The following SPG11 variants were observed in gnomAD, a reference collection of about 807,000 sequenced individuals.
SPG11 encodes spatacsin.
A neutral mutation model predicts 274.0 loss-of-function variants in SPG11; 222 were observed. The observed-to-expected ratio is 0.81, with a 90% CI of 0.73 to 0.91. SPG11 has a LOEUF of 0.91. Among genes scored for constraint, SPG11 ranks in the 40% least tolerant of loss-of-function variants. The probability of loss-of-function intolerance (pLI) is 0.00; values close to 1 mark genes in which losing one functional copy is unlikely to be tolerated. For missense variants in SPG11, 3,114 were observed against 2,872.7 expected, an observed-to-expected ratio of 1.08 and a Z score of -1.92; for synonymous variants, 1,144 against 1,039.7, an observed-to-expected ratio of 1.10 and a Z score of -1.93.
intron 10 of SPG11, among the ~76,000 whole-genome samples, chr15:44,627,127 G>A (rs887721759): frequency 1.3e-5 from 2 of 152,138 alleles, no homozygotes; most frequent in African/African-American, 4.8e-5. Context: ...GACCGTAAAA[G>A]CAAGATGTGA....
chr15:44,599,243 G>A (rs911941672), intron 21 of SPG11, among the ~76,000 whole-genome samples: 1 of 151,972 alleles, frequency 6.6e-6, no homozygotes, highest in African/African-American at 2.4e-5. Flanking sequence ...AACTCATATA[G>A]GCCTTTTATA....
rs926961813 is a variant in SPG11, at chr15:44,651,252, A to G, written c.1456+239T>C. Among the ~76,000 whole-genome samples, 6 of 152,192 alleles carry G rather than the reference A, an allele frequency of 3.9e-5. No homozygotes were observed. The East Asian group carries it at 1.2e-3, about 29-fold the overall frequency. On this transcript the variant is annotated intron_variant, in intron 6 of 39. Transcript: ENST00000261866. Reference sequence around the variant, plus strand: ...ACTCTTTGGGTTAAAAATAATAATAATAATAAACTTCATTTCTCTCAAACT... The same window carrying G: ...ACTCTTTGGGTTAAAAATAATAATAGTAATAAACTTCATTTCTCTCAAACT...
At position 44,589,971 on chromosome 15, in the gene SPG11, T is replaced by C. The variant is rs541514340; in HGVS notation, c.4744-557A>G. Among the ~76,000 whole-genome samples, 116 of 152,212 alleles carry C rather than the reference T, an allele frequency of 7.6e-4. 1 individual carries two copies. Among genetic ancestry groups the C allele is most frequent in the African/African-American group, 2.7e-3 (111 of 41,532 alleles). ...ACAGGCACACGCCACCACGCCTGGC[T>C]AATTTTTTTGTATTTTTAATAGAGA... is the stretch of plus-strand genomic sequence containing the variant. On this transcript the variant is annotated intron_variant, in intron 27 of 39. Transcript: ENST00000261866.
At chr15:44,607,370 C>T (rs1413006446) in intron 19 of SPG11, among the ~76,000 whole-genome samples, 3 of 152,176 alleles carry the variant, frequency 2.0e-5, no homozygotes, top group African/African-American at 7.2e-5. Context: ...CAACTTTCGC[C>T]TCCCAGGTTC....
chr15:44,580,538 G>A (rs938640270), intron 30 of SPG11, among the ~76,000 whole-genome samples: 11 of 152,254 alleles, frequency 7.2e-5, no homozygotes, highest in African/African-American at 2.4e-4. Flanking sequence ...CAGCACTTTG[G>A]GAGGCCGACG....
intron 6 of SPG11, among the ~76,000 whole-genome samples, chr15:44,649,776 T>G (rs2084710473): frequency 6.6e-6 from 1 of 151,386 alleles, no homozygotes; most frequent in Non-Finnish European, 1.5e-5. Context: ...GCACCTGTAA[T>G]CCCAGCTACT....
intron 7 of SPG11, among the ~76,000 whole-genome samples, chr15:44,642,443 T>C (rs1012962974): frequency 4.7e-5 from 7 of 148,498 alleles, no homozygotes; most frequent in South Asian, 4.3e-4. Context: ...ATTATATATA[T>C]ACACACACAC....
chr15:44,622,701 A>G (rs1447941532), intron 12 of SPG11, 27 bp downstream of exon 12: 4 of 1,549,026 alleles, frequency 2.6e-6, no homozygotes, highest in Admixed American at 1.7e-5. Flanking sequence ...TAGAAAATGT[A>G]TACTATGTAG....
chr15:44,589,112 T>C (rs1486839414), intron 28 of SPG11, 140 bp downstream of exon 28: 2 of 783,446 alleles, frequency 2.6e-6, no homozygotes, highest in African/African-American at 3.5e-5. Context: ...TTTAAAGTTC[T>C]CTGTAACTTG....
At position 44,585,718 on chromosome 15, in the gene SPG11, A is replaced by G; in HGVS notation, c.5039T>C (p.Leu1680Pro). The G allele has an allele frequency of 1.2e-6, 2 of 1,613,756 alleles. No individual in the cohort carries two copies. Among genetic ancestry groups the G allele is most frequent in the Non-Finnish European group, 1.7e-6 (2 of 1,179,936 alleles). The change falls in exon 29 of 40, where the codon CTG becomes CCG. Residue 1680 changes from leucine to proline, a missense_variant. Coordinates refer to ENST00000261866, the MANE Select transcript of SPG11 (RefSeq NM_025137.4). ...QHECRSILERLQTDGQFALAR... is the reference protein window; with the variant it reads ...QHECRSILERPQTDGQFALAR... ...CAAAGCGAATTGTCCATCTGTCTGC[A>G]GTCTTTCCAAAATAGATCTACATTC...
At chr15:44,601,013 G>A (rs1229040967) in intron 20 of SPG11, among the ~76,000 whole-genome samples, 2 of 152,154 alleles carry the variant, frequency 1.3e-5, no homozygotes, top group Non-Finnish European at 2.9e-5. Flanking sequence ...TTAGCCAGAT[G>A]TGGCGGTGCA....
chr15:44,579,050 C>T (rs535975431), intron 30 of SPG11, among the ~76,000 whole-genome samples: 5 of 151,918 alleles, frequency 3.3e-5, no homozygotes, highest in Admixed American at 1.3e-4. Context: ...CCCAGCTACT[C>T]GGGAGGCTGA....
chr15:44,648,650 T>A (rs1425700857), intron 7 of SPG11, among the ~76,000 whole-genome samples: 1 of 152,186 alleles, frequency 6.6e-6, no homozygotes, highest in African/African-American at 2.4e-5. Context: ...ACCTTTTTCT[T>A]ATTATTTACT....
chr15:44,600,161 A>C (rs1407905697), intron 21 of SPG11: 2 of 255,650 alleles, frequency 7.8e-6, no homozygotes, highest in African/African-American at 4.4e-5. Flanking sequence ...GCACAAATGA[A>C]AACAACAATA....
chr15:44,573,333 T>C (rs963076707), intron 32 of SPG11: 2 of 642,182 alleles, frequency 3.1e-6, no homozygotes, highest in East Asian at 2.7e-5. Flanking sequence ...AGTGTAATCA[T>C]AAAACAATAA....
intron 7 of SPG11, among the ~76,000 whole-genome samples, chr15:44,647,704 G>C (rs1166225559): frequency 1.3e-5 from 2 of 152,154 alleles, no homozygotes; most frequent in African/African-American, 2.4e-5. Context: ...GAAATGTCCA[G>C]AATAGAAAAA....
rs1294464164 is a variant in SPG11, at chr15:44,575,021, T to C, written c.5887A>G (p.Lys1963Glu). The C allele has an allele frequency of 4.3e-6, 7 of 1,613,916 alleles. No individual in the cohort carries two copies. Among genetic ancestry groups the C allele is most frequent in the Non-Finnish European group, 5.9e-6 (7 of 1,180,016 alleles). ...TTACTGGAGGGCACTGTCACAAACT[T>C]CTGACTATCCAGACTTGAAGCTGGA... ...VHSTSSLDSQKFVTVPSSNEV... is the reference protein window; with the variant it reads ...VHSTSSLDSQEFVTVPSSNEV... The change falls in exon 31 of 40, where the codon AAG becomes GAG. Residue 1963 changes from lysine to glutamate, a missense_variant. By Grantham distance (56) the Lys-to-Glu change is moderately conservative. Coordinates refer to ENST00000261866, the MANE Select transcript of SPG11 (RefSeq NM_025137.4).
intron 28 of SPG11, among the ~76,000 whole-genome samples, chr15:44,586,069 G>T (rs1438507904): frequency 7.2e-6 from 1 of 138,812 alleles, no homozygotes; most frequent in Non-Finnish European, 1.5e-5. Context: ...GCTGCAACCT[G>T]CACCTCCTGG....
intron 1 of SPG11, among the ~76,000 whole-genome samples, chr15:44,661,244 G>A (rs76572657): frequency 0.084 from 12,759 of 152,076 alleles, 1,341 homozygotes; most frequent in African/African-American, 0.23. Flanking sequence ...ATTACTAAAC[G>A]GTAGAGTTAC....
Sources: allele counts gnomAD v4.1 joint callset (sites outside exome capture counted in the v4.1 genomes callset), GRCh38; gene constraint gnomAD v4.1.1; transcripts MANE v1.5; gene names NCBI Gene and HGNC (gene_info 2026-07-23, HGNC 2026-07-21).